The following SCN11A variants were observed in gnomAD, a reference collection of about 807,000 sequenced individuals.
SCN11A encodes the protein sodium channel protein type 11 subunit alpha.
A neutral mutation model predicts 162.2 loss-of-function variants in SCN11A; 122 were observed. The observed-to-expected ratio is 0.75, with a 90% CI of 0.65 to 0.87. SCN11A has a LOEUF of 0.87. SCN11A is among the 40% of genes least tolerant of loss of function. SCN11A has a pLI of 0.00. For synonymous variants in SCN11A, 758 were observed against 751.5 expected (o/e 1.01, Z -0.14); for missense variants, 2,015 against 2,181.6 (o/e 0.92, Z 1.52).
intron 28 of SCN11A, among the ~76,000 whole-genome samples, chr3:38,860,036 A>C (rs2064937576): frequency 6.6e-6 from 1 of 152,058 alleles, no homozygotes; most frequent in Non-Finnish European, 1.5e-5. Context: ...CACCACCCAG[A>C]CCCATAATCT....
At chr3:39,025,030 C>A (rs899868952) in intron 2 of SCN11A, among the ~76,000 whole-genome samples, 4 of 152,178 alleles carry the variant, frequency 2.6e-5, no homozygotes, top group African/African-American at 7.2e-5. Context: ...CCAAGTGAAA[C>A]CCCCTGGCCT....
At chr3:38,868,481 T>A (rs1242556525) in intron 26 of SCN11A, among the ~76,000 whole-genome samples, 1 of 152,220 alleles carries the variant, frequency 6.6e-6, no homozygotes, top group Non-Finnish European at 1.5e-5. Flanking sequence ...GCATGTTAGG[T>A]TACTGCTTTG....
At chr3:38,858,340 G>A (rs1307724017) in intron 28 of SCN11A, among the ~76,000 whole-genome samples, 11 of 151,984 alleles carry the variant, frequency 7.2e-5, no homozygotes, top group Non-Finnish European at 1.5e-5. Flanking sequence ...CCATGCAAAT[G>A]GAAATGAAAA....
intron 2 of SCN11A, among the ~76,000 whole-genome samples, chr3:39,024,792 T>A (rs1232923811): frequency 2.0e-5 from 3 of 150,206 alleles, no homozygotes; most frequent in Non-Finnish European, 4.4e-5. Context: ...CAGGCCTTGC[T>A]GGATATCCCC....
At chr3:39,042,161 C>T (rs2032063141) in intron 1 of SCN11A, among the ~76,000 whole-genome samples, 1 of 152,024 alleles carries the variant, frequency 6.6e-6, no homozygotes, top group Non-Finnish European at 1.5e-5. Flanking sequence ...CCCAGGTACT[C>T]AGGAGGCCAA....
intron 26 of SCN11A, 81 bp downstream of exon 26, chr3:38,870,610 G>A (rs1006877321): frequency 1.9e-5 from 22 of 1,174,722 alleles, no homozygotes; most frequent in Admixed American, 1.8e-4. Context: ...GAACTATGAC[G>A]CCAGTTCTGG....
At chr3:38,930,714 C>G (rs2066226886) in intron 7 of SCN11A, among the ~76,000 whole-genome samples, 1 of 152,170 alleles carries the variant, frequency 6.6e-6, no homozygotes, top group Non-Finnish European at 1.5e-5. Context: ...AAAATGACAT[C>G]TGATGTGGAG....
chr3:38,938,259 T>A (rs1415789582), intron 7 of SCN11A, among the ~76,000 whole-genome samples: 1 of 151,610 alleles, frequency 6.6e-6, no homozygotes, highest in Non-Finnish European at 1.5e-5. Context: ...AGGGATAGCT[T>A]TAGGAGATAT....
At chr3:39,009,799 C>T (rs1218436237) in intron 2 of SCN11A, among the ~76,000 whole-genome samples, 2 of 150,584 alleles carry the variant, frequency 1.3e-5, no homozygotes, top group Non-Finnish European at 2.9e-5. Context: ...ACCTCAGTCT[C>T]CTGAGTAGCT....
chr3:38,995,100 T>C (rs1359887732), intron 2 of SCN11A, among the ~76,000 whole-genome samples: 1 of 151,998 alleles, frequency 6.6e-6, no homozygotes, highest in Admixed American at 6.6e-5. Context: ...AATAAGCCCA[T>C]ATCAGCATAT....
chr3:38,985,145 T>G (rs2030190694), intron 2 of SCN11A, among the ~76,000 whole-genome samples: 1 of 147,932 alleles, frequency 6.8e-6, no homozygotes. Flanking sequence ...TTTTTTTTTT[T>G]GAGACAGAGT....
intron 2 of SCN11A, among the ~76,000 whole-genome samples, chr3:38,966,299 C>G (rs2066782046): frequency 6.6e-6 from 1 of 152,096 alleles, no homozygotes; most frequent in South Asian, 2.1e-4. Flanking sequence ...TTTTGTGTAT[C>G]AGTTTCACAT....
intron 2 of SCN11A, among the ~76,000 whole-genome samples, chr3:39,006,699 G>A (rs2030989650): frequency 6.6e-6 from 1 of 152,156 alleles, no homozygotes; most frequent in Non-Finnish European, 1.5e-5. Flanking sequence ...GACTTTAGGA[G>A]GCCAAGGTGG....
At chr3:38,996,657 G>T (rs566411976) in intron 2 of SCN11A, among the ~76,000 whole-genome samples, 2 of 152,270 alleles carry the variant, frequency 1.3e-5, no homozygotes, top group South Asian at 4.2e-4. Context: ...TACTACAACT[G>T]CATTGACCCA....
rs561733221 is a variant in SCN11A, at chr3:38,863,351, T to C, written c.3952-52A>G. The C allele has an allele frequency of 4.5e-6, 4 of 892,656 alleles. No homozygotes were observed. In the South Asian group the frequency reaches 6.0e-5, roughly 13 times the overall value. The allele number at this position is 892,656 out of a possible 1,614,324, so 55.3% of individuals were successfully genotyped here. A position where few individuals can be genotyped will look rare whatever the true frequency, so the allele number is the denominator to read the frequency against. ...ACCTTTAACAGTTTTTTTTTTAATCTAGTTCTGAATTTTTTGACACAATTT... is the reference window on the plus strand; with the variant it reads ...ACCTTTAACAGTTTTTTTTTTAATCCAGTTCTGAATTTTTTGACACAATTT... On this transcript the variant is annotated intron_variant, in intron 27 of 29. Coordinates refer to ENST00000302328, the MANE Select transcript of SCN11A (RefSeq NM_001349253.2).
In SCN11A at chr3:38,908,658, T is replaced by TGC. The variant is rs576971322; in HGVS notation, c.1299+338_1299+339insGC. Among the ~76,000 whole-genome samples the TGC allele has an allele frequency of 3.8e-3, 571 of 152,248 alleles. 2 individuals are homozygous for TGC. Among genetic ancestry groups the TGC allele is most frequent in the Non-Finnish European group, 5.7e-3 (390 of 68,018 alleles). On this transcript the variant is annotated intron_variant, in intron 13 of 29. Transcript: ENST00000302328. ...GCGCCGAACACAAACATCTCCAGAT[T>TGC]TCCAAAAGAAAGCCTGGAGCACAGC...
At chr3:38,939,328 A>C (rs1008796829) in intron 7 of SCN11A, among the ~76,000 whole-genome samples, 8 of 152,004 alleles carry the variant, frequency 5.3e-5, no homozygotes, top group African/African-American at 1.9e-4. Flanking sequence ...GATATAGTTT[A>C]AAAAAACATA....
chr3:38,930,692 G>A (rs1022826558), intron 7 of SCN11A, among the ~76,000 whole-genome samples: 4 of 152,126 alleles, frequency 2.6e-5, no homozygotes, highest in African/African-American at 9.7e-5. Flanking sequence ...CCATTGATGG[G>A]ACAGGCAGAT....
Position 38,950,372 on chromosome 3 carries a change from C to T in SCN11A, c.-7-3G>A. The T allele has an allele frequency of 1.2e-6, 2 of 1,612,784 alleles. No homozygotes were observed. Among genetic ancestry groups the T allele is most frequent in the Non-Finnish European group, 1.7e-6 (2 of 1,179,922 alleles). ...AGCATCTGTCATCCATCTTCACCCTCAGGACAGAGACAAGCCACAGATCCT... is the reference window on the plus strand; with the variant it reads ...AGCATCTGTCATCCATCTTCACCCTTAGGACAGAGACAAGCCACAGATCCT... On this transcript the variant is annotated splice_region_variant and splice_polypyrimidine_tract_variant and intron_variant, in intron 4 of 29. Transcript: ENST00000302328.
Sources: allele counts gnomAD v4.1 joint callset (sites outside exome capture counted in the v4.1 genomes callset), GRCh38; gene constraint gnomAD v4.1.1; transcripts MANE v1.5; gene names NCBI Gene and HGNC (gene_info 2026-07-23, HGNC 2026-07-21).